ZNRF3: variants seen among roughly 807,000 people sequenced by gnomAD.
ZNRF3 encodes E3 ubiquitin-protein ligase ZNRF3.
In ZNRF3, 23 loss-of-function variants were observed where a neutral mutation model predicts 72.5. The observed-to-expected ratio is 0.32, with a 90% CI of 0.23 to 0.45. The LOEUF (loss-of-function observed/expected upper bound fraction) is 0.45. Among genes scored for constraint, ZNRF3 ranks in the 20% least tolerant of loss-of-function variants. ZNRF3 has a pLI of 1.00. For synonymous variants in ZNRF3, 610 were observed against 545.3 expected (o/e 1.12, Z -1.65); for missense variants, 1,169 against 1,272.1 (o/e 0.92, Z 1.23).
rs902121188 is a variant in ZNRF3, at chr22:29,050,330, C to G, written c.2149C>G (p.Gln717Glu). 5 of 1,600,834 alleles carry G rather than the reference C, an allele frequency of 3.1e-6. No individual in the cohort carries two copies. In the African/African-American group the frequency reaches 6.7e-5, roughly 21 times the overall value. ...LPSCACCCEP[Q>E]PSPAGPSAGA... ...GTCGTGTGCCTGCTGCTGCGAGCCC[C>G]AGCCCTCCCCAGCCGGGCCTAGCGC... Residue 717 changes from glutamine (Q) to glutamate (E), a missense_variant, in exon 8 of 9, where the codon CAG becomes GAG. Around this residue, in one of 2 missense-constraint regions of ZNRF3, gnomAD observed 783 missense variants for 731.4 expected, o/e 1.07. Transcript: ENST00000544604.
At chr22:28,997,988 TAAAAAA>T (rs557887667) in intron 2 of ZNRF3, among the ~76,000 whole-genome samples, 3 of 115,336 alleles carry the variant, frequency 2.6e-5, no homozygotes, top group African/African-American at 6.8e-5. Flanking sequence ...CCTGGCTCTT[TAAAAAA>T]AAAAAAAAAA....
chr22:28,909,887 C>G (rs1384777777), intron 1 of ZNRF3, among the ~76,000 whole-genome samples: 1 of 151,646 alleles, frequency 6.6e-6, no homozygotes, highest in Non-Finnish European at 1.5e-5. Context: ...GCCACCATGG[C>G]TGGTCACGCC....
intron 1 of ZNRF3, among the ~76,000 whole-genome samples, chr22:28,886,002 C>T (rs1569233651): frequency 6.6e-6 from 1 of 151,642 alleles, no homozygotes; most frequent in Non-Finnish European, 1.5e-5. Flanking sequence ...ACTTGTTAAG[C>T]AATCACTAAT....
At chr22:28,999,297 G>T (rs1003065358) in intron 2 of ZNRF3, among the ~76,000 whole-genome samples, 1 of 151,998 alleles carries the variant, frequency 6.6e-6, no homozygotes, top group Non-Finnish European at 1.5e-5. Flanking sequence ...TGGTGCCACT[G>T]CACTTCAGCC....
chr22:28,967,136 C>T (rs1023871568), intron 1 of ZNRF3, among the ~76,000 whole-genome samples: 3 of 152,174 alleles, frequency 2.0e-5, no homozygotes, highest in Admixed American at 2.0e-4. Flanking sequence ...CCCACCTTGG[C>T]CTCCCAGAGT....
At chr22:28,984,172 C>T (rs2035814555) in intron 1 of ZNRF3, among the ~76,000 whole-genome samples, 1 of 151,710 alleles carries the variant, frequency 6.6e-6, no homozygotes, top group Non-Finnish European at 1.5e-5. Context: ...TAAAATTCAC[C>T]ATTTTAATCA....
intron 2 of ZNRF3, among the ~76,000 whole-genome samples, chr22:29,021,615 G>A (rs562122074): frequency 1.3e-4 from 20 of 151,648 alleles, no homozygotes; most frequent in Non-Finnish European, 2.6e-4. Flanking sequence ...AGCCTCCCAA[G>A]TAGCTGGGAT....
intron 1 of ZNRF3, among the ~76,000 whole-genome samples, chr22:28,929,252 A>G (rs753813748): frequency 6.6e-6 from 1 of 152,236 alleles, no homozygotes; most frequent in Non-Finnish European, 1.5e-5. Flanking sequence ...TTTATTGATG[A>G]TATAACAGTG....
intron 1 of ZNRF3, among the ~76,000 whole-genome samples, chr22:28,922,566 A>G (rs186308291): frequency 1.8e-3 from 280 of 152,236 alleles, no homozygotes; most frequent in African/African-American, 6.5e-3. Flanking sequence ...CCCTTTCTGT[A>G]GTTTGTTAGG....
intron 1 of ZNRF3, among the ~76,000 whole-genome samples, chr22:28,949,352 G>A (rs1183130782): frequency 6.6e-6 from 1 of 152,182 alleles, no homozygotes; most frequent in Non-Finnish European, 1.5e-5. Flanking sequence ...TAGGCTCACT[G>A]CAGCCTCTAC....
Position 28,987,796 on chromosome 22 carries a change from A to C in ZNRF3, c.426+595A>C, listed in dbSNP as rs570504586. Reference sequence around the variant, plus strand: ...TTTTGCTGCCAAGTAAGTTATGGGAAAATGTTTCGGTTTTAGAGCTTTTTT... The same window carrying C: ...TTTTGCTGCCAAGTAAGTTATGGGACAATGTTTCGGTTTTAGAGCTTTTTT... On this transcript the variant is annotated intron_variant, in intron 2 of 8. Transcript: ENST00000544604. Among the ~76,000 whole-genome samples the C allele has an allele frequency of 2.8e-4, 43 of 152,076 alleles. No individual in the cohort carries two copies. In the South Asian group the frequency reaches 5.4e-3, roughly 19 times the overall value.
intron 2 of ZNRF3, among the ~76,000 whole-genome samples, chr22:28,998,933 G>A (rs2036093586): frequency 6.6e-6 from 1 of 152,068 alleles, no homozygotes; most frequent in African/African-American, 2.4e-5. Context: ...CCCATCCATT[G>A]AACCAGGCTC....
At chr22:28,993,219 C>T (rs980079315) in intron 2 of ZNRF3, among the ~76,000 whole-genome samples, 2 of 152,156 alleles carry the variant, frequency 1.3e-5, no homozygotes, top group Non-Finnish European at 2.9e-5. Context: ...TTTTGAGGAA[C>T]CCAGTGGAAC....
chr22:29,015,475 G>A (rs1294865777), intron 2 of ZNRF3, among the ~76,000 whole-genome samples: 2 of 152,092 alleles, frequency 1.3e-5, no homozygotes, highest in Admixed American at 1.3e-4. Context: ...TTCAAGACCA[G>A]CCTGGCCAAC....
At chr22:29,007,498 C>T (rs2036274970) in intron 2 of ZNRF3, among the ~76,000 whole-genome samples, 1 of 151,692 alleles carries the variant, frequency 6.6e-6, no homozygotes. Flanking sequence ...TTTAAACTAG[C>T]TGGGCCTGGT....
intron 2 of ZNRF3, among the ~76,000 whole-genome samples, chr22:29,033,012 C>A (rs116700060): frequency 0.026 from 3,948 of 152,260 alleles, 81 homozygotes; most frequent in African/African-American, 0.058. Flanking sequence ...TGTTACCCCA[C>A]ATGTGGCCAC....
At position 28,986,132 on chromosome 22, in the gene ZNRF3, A is replaced by G. The variant is rs538014056; in HGVS notation, c.301-944A>G. Among the ~76,000 whole-genome samples the G allele has an allele frequency of 3.3e-5, 5 of 152,174 alleles. 1 individual carries two copies. The highest frequency in any genetic ancestry group is 7.3e-5 in the Non-Finnish European group (5 of 68,030). The stretch of plus-strand genomic sequence containing the variant: ...CATCTCAAACTCAATCACATCTGCA[A>G]AGTCTCTTGCTGTGTAAGGTAACTT... On this transcript the variant is annotated intron_variant, in intron 1 of 8. Transcript: ENST00000544604.
intron 2 of ZNRF3, among the ~76,000 whole-genome samples, chr22:29,020,015 C>T (rs965186796): frequency 2.0e-5 from 3 of 152,016 alleles, no homozygotes; most frequent in Non-Finnish European, 2.9e-5. Flanking sequence ...ACCTCCCCCC[C>T]AATCCCCCCA....
intron 1 of ZNRF3, among the ~76,000 whole-genome samples, chr22:28,889,762 A>G (rs1429725500): frequency 6.6e-6 from 1 of 152,230 alleles, no homozygotes; most frequent in African/African-American, 2.4e-5. Flanking sequence ...TTACATGGCA[A>G]AGTGTAAGAA....
Sources: allele counts gnomAD v4.1 joint callset (sites outside exome capture counted in the v4.1 genomes callset), GRCh38; gene constraint gnomAD v4.1.1; regional missense constraint gnomAD v4.1.1; transcripts MANE v1.5; gene names NCBI Gene and HGNC (gene_info 2026-07-23, HGNC 2026-07-21).